Variants in TAF4B observed in about 807,000 individuals in gnomAD.
The protein encoded by TAF4B is TATA-box binding protein associated factor 4b, also known as transcription initiation factor TFIID subunit 4B.
A neutral mutation model predicts 86.4 loss-of-function variants in TAF4B; 38 were observed. The observed-to-expected ratio is 0.44, with a 90% CI of 0.34 to 0.58. The LOEUF (loss-of-function observed/expected upper bound fraction) is 0.58, where lower values mean the gene tolerates loss of function less well. TAF4B is among the 20% of genes least tolerant of loss of function. TAF4B has a pLI of 0.02. For missense variants in TAF4B, 988 were observed against 1,027.6 expected (o/e 0.96, Z 0.53); for synonymous variants, 388 against 391.2 (o/e 0.99, Z 0.10).
intron 6 of TAF4B, among the ~76,000 whole-genome samples, chr18:26,284,779 G>C (rs1351162988): frequency 6.6e-6 from 1 of 152,076 alleles, no homozygotes; most frequent in Non-Finnish European, 1.5e-5. Flanking sequence ...TGAGGCAGGA[G>C]AATCTCTTGA....
chr18:26,362,417 A>G (rs1348471097), intron 14 of TAF4B, among the ~76,000 whole-genome samples: 1 of 152,188 alleles, frequency 6.6e-6, no homozygotes, highest in Non-Finnish European at 1.5e-5. Flanking sequence ...TGCAATGTTA[A>G]TCATTAATCT....
At chr18:26,258,916 C>G (rs2056123877) in intron 1 of TAF4B, among the ~76,000 whole-genome samples, 1 of 149,706 alleles carries the variant, frequency 6.7e-6, no homozygotes, top group Non-Finnish European at 1.5e-5. Flanking sequence ...CCAGTCTGGT[C>G]TCAAACTCTT....
chr18:26,335,330 C>T (rs943998834), intron 13 of TAF4B, 99 bp downstream of exon 13: 8 of 1,038,826 alleles, frequency 7.7e-6, no homozygotes, highest in Non-Finnish European at 1.0e-5. Context: ...TGTTGCATAC[C>T]ATTTGCAGAA....
At chr18:26,319,385 A>G (rs927301975) in intron 10 of TAF4B, among the ~76,000 whole-genome samples, 1 of 151,770 alleles carries the variant, frequency 6.6e-6, no homozygotes, top group African/African-American at 2.4e-5. Context: ...AAGTAATCCC[A>G]GCTACTTGGG....
chr18:26,375,561 CTTG>C (rs1471033412), intron 14 of TAF4B, among the ~76,000 whole-genome samples: 1 of 152,152 alleles, frequency 6.6e-6, no homozygotes, highest in Non-Finnish European at 1.5e-5. Flanking sequence ...CTTGCCAACA[CTTG>C]TTATTGCCTT....
Position 26,286,073 on chromosome 18 carries a change from C to T in TAF4B, c.1164C>T (p.Pro388=). The part of the protein sequence containing the change: ...KSIIVSGATA[P]RTVSVQTLNP... ...TTATTGTTTCTGGAGCAACAGCACC[C>T]AGAACTGTGTCAGTGCAAACTTTGA... is the stretch of plus-strand genomic sequence containing the variant. The change falls in exon 7 of 15, where the codon CCC becomes CCT. Residue 388 remains proline, a synonymous_variant. Transcript: ENST00000269142. 1 of 1,614,204 alleles carries T rather than the reference C, an allele frequency of 6.2e-7. No individual in the cohort carries two copies. The highest frequency in any genetic ancestry group is 8.5e-7 in the Non-Finnish European group (1 of 1,180,036).
chr18:26,291,719 A>C (rs960781353), intron 7 of TAF4B, among the ~76,000 whole-genome samples: 1 of 150,810 alleles, frequency 6.6e-6, no homozygotes, highest in African/African-American at 2.4e-5. Flanking sequence ...AAAAAAAAAA[A>C]AAAGAAAATA....
At chr18:26,246,541 T>G (rs952414905) in intron 1 of TAF4B, among the ~76,000 whole-genome samples, 42 of 150,158 alleles carry the variant, frequency 2.8e-4, no homozygotes, top group Admixed American at 4.6e-4. Flanking sequence ...GTTTTTGTGG[T>G]TTTTTTTTTC....
rs116136747 is a variant in TAF4B at position 26,385,018 on chromosome 18, A to G, written c.2422-4827A>G. Among the ~76,000 whole-genome samples, 657 of 152,256 alleles carry G rather than the reference A, an allele frequency of 4.3e-3. 3 individuals carry two copies. The highest frequency in any genetic ancestry group is 0.015 in the African/African-American group (624 of 41,560). ...AGAACGTAGACTAGCATGAAGCTAC[A>G]TTACCGTGGATGGTGGCTCTTGGGA... On this transcript the variant is annotated intron_variant, in intron 14 of 14. Transcript: ENST00000269142.
chr18:26,319,798 C>G (rs1375595327), intron 10 of TAF4B, among the ~76,000 whole-genome samples: 1 of 152,138 alleles, frequency 6.6e-6, no homozygotes, highest in East Asian at 1.9e-4. Flanking sequence ...CCGTGTTAGT[C>G]AGGCTGGTCT....
intron 9 of TAF4B, among the ~76,000 whole-genome samples, chr18:26,310,288 A>C (rs563594534): frequency 1.3e-5 from 2 of 152,332 alleles, no homozygotes; most frequent in African/African-American, 4.8e-5. Flanking sequence ...GGTCTCCATC[A>C]TAGGCCTACC....
intron 1 of TAF4B, among the ~76,000 whole-genome samples, chr18:26,258,711 T>G (rs2056121029): frequency 6.6e-6 from 1 of 152,134 alleles, no homozygotes; most frequent in South Asian, 2.1e-4. Context: ...AAAATTTTTT[T>G]TAGAGACAAG....
At chr18:26,350,383 G>T (rs1305621639) in intron 13 of TAF4B, among the ~76,000 whole-genome samples, 5 of 152,130 alleles carry the variant, frequency 3.3e-5, no homozygotes, top group Non-Finnish European at 1.5e-5. Context: ...TAACAGATTG[G>T]CAAATGAGCC....
intron 14 of TAF4B, among the ~76,000 whole-genome samples, chr18:26,389,623 A>G (rs1258917939): frequency 6.6e-6 from 1 of 152,232 alleles, no homozygotes; most frequent in East Asian, 1.9e-4. Context: ...GGCTATTGCC[A>G]TGCTGCAGGT....
At chr18:26,346,671 C>T (rs2057181704) in intron 13 of TAF4B, among the ~76,000 whole-genome samples, 1 of 142,396 alleles carries the variant, frequency 7.0e-6, no homozygotes, top group Non-Finnish European at 1.5e-5. Flanking sequence ...ACTATACAGG[C>T]TAGGAGAGAA....
chr18:26,244,238 C>T lies in TAF4B; in HGVS notation c.343+16962C>T, dbSNP rs2055886870. 1.3e-5 allele frequency among the ~76,000 whole-genome samples: 2 copies of T among 152,346 alleles called. 1 individual carries two copies. Among genetic ancestry groups the T allele is most frequent in the South Asian group, 4.1e-4 (2 of 4,828 alleles). Reference sequence around the variant, plus strand: ...AGTGGGCTCCACCCAGTTCAAGCTCCCCGCCACTTTGTTTACCTATTCAAG... The same window carrying T: ...AGTGGGCTCCACCCAGTTCAAGCTCTCCGCCACTTTGTTTACCTATTCAAG... On this transcript the variant is annotated intron_variant, in intron 1 of 14. Transcript: ENST00000269142.
chr18:26,373,071 C>T (rs2057417775), intron 14 of TAF4B, among the ~76,000 whole-genome samples: 1 of 152,032 alleles, frequency 6.6e-6, no homozygotes, highest in Non-Finnish European at 1.5e-5. Flanking sequence ...TCTTGGTGAA[C>T]TTTCTAGGGC....
chr18:26,283,832 C>G (rs1432772426), intron 6 of TAF4B, among the ~76,000 whole-genome samples: 1 of 152,262 alleles, frequency 6.6e-6, no homozygotes, highest in East Asian at 1.9e-4. Context: ...AGGCAGATCA[C>G]CTGGGGTCAG....
At chr18:26,365,581 G>A (rs2057366361) in intron 14 of TAF4B, among the ~76,000 whole-genome samples, 1 of 152,094 alleles carries the variant, frequency 6.6e-6, no homozygotes, top group South Asian at 2.1e-4. Flanking sequence ...AAAAGCAGAC[G>A]GCAGAGTGAG....
Sources: allele counts gnomAD v4.1 joint callset (sites outside exome capture counted in the v4.1 genomes callset), GRCh38; gene constraint gnomAD v4.1.1; transcripts MANE v1.5; gene names NCBI Gene and HGNC (gene_info 2026-07-23, HGNC 2026-07-21).